Variants in SEMA3D observed in about 807,000 individuals in gnomAD.
The protein encoded by SEMA3D is semaphorin-3D.
In SEMA3D, 84 loss-of-function variants were observed where a neutral mutation model predicts 100.1. That is an observed-to-expected ratio of 0.84 (90% CI 0.70 to 1.01). SEMA3D has a LOEUF of 1.01. SEMA3D is among the 50% of genes least tolerant of loss of function. The pLI, the probability that SEMA3D is intolerant of heterozygous loss-of-function variation, is 0.00. For missense variants in SEMA3D, 875 were observed against 934.1 expected, an observed-to-expected ratio of 0.94 and a Z score of 0.82; for synonymous variants, 312 against 320.7, an observed-to-expected ratio of 0.97 and a Z score of 0.29.
At chr7:85,067,190 T>G (rs889998392) in intron 7 of SEMA3D, among the ~76,000 whole-genome samples, 3 of 152,174 alleles carry the variant, frequency 2.0e-5, no homozygotes, top group Non-Finnish European at 4.4e-5. Flanking sequence ...AACACAAAAA[T>G]TAGATCTGAA....
At chr7:85,112,876 A>T (rs1789130737) in intron 3 of SEMA3D, among the ~76,000 whole-genome samples, 1 of 152,194 alleles carries the variant, frequency 6.6e-6, no homozygotes, top group Admixed American at 6.5e-5. Flanking sequence ...TGAGACAATG[A>T]CTTTTATCTA....
At chr7:85,087,200 T>C (rs1404276575) in intron 4 of SEMA3D, among the ~76,000 whole-genome samples, 1 of 152,240 alleles carries the variant, frequency 6.6e-6, no homozygotes, top group Non-Finnish European at 1.5e-5. Context: ...ATATTTTTCC[T>C]TCACTTATCA....
intron 3 of SEMA3D, among the ~76,000 whole-genome samples, chr7:85,102,337 T>C (rs557619716): frequency 1.3e-5 from 2 of 152,112 alleles, no homozygotes; most frequent in African/African-American, 4.8e-5. Flanking sequence ...TCTCCTACTC[T>C]GGAGTGTGAC....
intron 1 of SEMA3D, among the ~76,000 whole-genome samples, chr7:85,157,993 C>G (rs937387316): frequency 1.3e-5 from 2 of 152,146 alleles, no homozygotes; most frequent in Non-Finnish European, 2.9e-5. Context: ...AATCAATACC[C>G]TTGTGATTTC....
chr7:85,087,648 A>C (rs1374575502), intron 4 of SEMA3D, among the ~76,000 whole-genome samples: 1 of 152,212 alleles, frequency 6.6e-6, no homozygotes, highest in Non-Finnish European at 1.5e-5. Flanking sequence ...AAATGTCTTC[A>C]CTTGGAAATA....
rs1049495297 is a variant in SEMA3D at position 84,997,514 on chromosome 7, T to C, written c.*1926A>G. The C allele has an allele frequency of 1.3e-5, 2 of 152,146 alleles. No individual in the cohort carries two copies. Among genetic ancestry groups the C allele is most frequent in the Admixed American group, 1.3e-4 (2 of 15,268 alleles). The allele number at this position is 152,146 out of a possible 1,614,324, so 9.4% of individuals were successfully genotyped here. A position where few individuals can be genotyped will look rare whatever the true frequency, so the allele number is the denominator to read the frequency against. ...ACTTTTATTAAAATTATTCCTTAGC[T>C]GTTCCTTATAGTGAAACACCTACAA... On this transcript the variant is annotated 3_prime_UTR_variant, in exon 19 of 19. Transcript: ENST00000284136.
chr7:85,100,364 T>C (rs1788709524), intron 3 of SEMA3D, among the ~76,000 whole-genome samples: 2 of 151,484 alleles, frequency 1.3e-5, no homozygotes, highest in South Asian at 4.1e-4. Context: ...GTTTTATTTA[T>C]AATTGTGATA....
At chr7:85,017,316 T>G (rs1410458715) in intron 15 of SEMA3D, among the ~76,000 whole-genome samples, 1 of 151,910 alleles carries the variant, frequency 6.6e-6, no homozygotes, top group East Asian at 2.0e-4. Flanking sequence ...TACTGTGCAG[T>G]GTAAGTGTCT....
chr7:85,054,761 C>T (rs1791261206), intron 9 of SEMA3D, among the ~76,000 whole-genome samples: 1 of 152,020 alleles, frequency 6.6e-6, no homozygotes, highest in African/African-American at 2.4e-5. Context: ...AAGAAAGCTT[C>T]CTGCTGAGAG....
Position 85,114,544 on chromosome 7 carries a change from T to G in SEMA3D, c.151+7197A>C, listed in dbSNP as rs554146733. On this transcript the variant is annotated intron_variant, in intron 3 of 18. Transcript: ENST00000284136. ...ATGACTCATAGTAGCCCTGGAGAGC[T>G]GGTAGGGAAGTATGGGTGTGTGCTG... Among the ~76,000 whole-genome samples, 16 of 152,296 alleles carry G rather than the reference T, an allele frequency of 1.1e-4. No individual in the cohort carries two copies. In the South Asian group the frequency reaches 2.9e-3, roughly 28 times the overall value.
chr7:85,141,966 G>T (rs1467606001), intron 2 of SEMA3D: 2 of 981,618 alleles, frequency 2.0e-6, no homozygotes, highest in Non-Finnish European at 2.4e-6. Context: ...ATAGGAAAAA[G>T]AGTTAAAAAA....
chr7:85,050,120 C>CACAGAG (rs3220727), intron 9 of SEMA3D, among the ~76,000 whole-genome samples: 20 of 139,822 alleles, frequency 1.4e-4, no homozygotes, highest in African/African-American at 5.1e-4. Flanking sequence ...CACACACACA[C>CACAGAG]AGAGACAGAG....
chr7:85,196,259 T>A, the SEMA3D span, among the ~76,000 whole-genome samples: 1 of 152,132 alleles, frequency 6.6e-6, no homozygotes, highest in South Asian at 2.1e-4. Context: ...TAAAAGTGAA[T>A]CTAGAATCCT....
chr7:85,084,961 G>A (rs1473969876), intron 4 of SEMA3D, among the ~76,000 whole-genome samples: 1 of 152,162 alleles, frequency 6.6e-6, no homozygotes, highest in African/African-American at 2.4e-5. Flanking sequence ...TTTCTGCAAA[G>A]GACATGGTCT....
chr7:85,051,542 C>T (rs1791165423), intron 9 of SEMA3D, among the ~76,000 whole-genome samples: 1 of 151,872 alleles, frequency 6.6e-6, no homozygotes. Flanking sequence ...GGATTCTATC[C>T]TTGCCCTTTG....
intron 11 of SEMA3D, among the ~76,000 whole-genome samples, chr7:85,039,079 C>T (rs1283602851): frequency 6.6e-6 from 1 of 152,094 alleles, no homozygotes; most frequent in Non-Finnish European, 1.5e-5. Flanking sequence ...TGTCAATATA[C>T]ATTGATAAAG....
intron 12 of SEMA3D, chr7:85,028,351 G>T: frequency 1.7e-6 from 1 of 595,702 alleles, no homozygotes; most frequent in South Asian, 1.7e-5. Flanking sequence ...TTATCAATGT[G>T]CCAATTGTCG....
At chr7:85,055,678 A>G (rs1230365753) in intron 9 of SEMA3D, 39 bp downstream of exon 9, 10 of 228,276 alleles carry the variant, frequency 4.4e-5, no homozygotes, top group South Asian at 8.2e-5. Context: ...ATATATATAT[A>G]TATATATGTT....
intron 1 of SEMA3D, among the ~76,000 whole-genome samples, chr7:85,169,458 G>A (rs962526578): frequency 5.9e-5 from 9 of 151,696 alleles, no homozygotes; most frequent in Admixed American, 5.3e-4. Context: ...AAGCGAAATG[G>A]GCTGATAGTA....
Sources: gnomAD v4.1 joint callset for allele counts (sites outside exome capture counted in the v4.1 genomes callset) on GRCh38, gnomAD v4.1.1 for gene constraint, MANE v1.5 for transcripts, NCBI Gene and HGNC (gene_info 2026-07-23, HGNC 2026-07-21) for gene names.